Variants in ZFAND3 observed in about 807,000 individuals in gnomAD.
The protein encoded by ZFAND3 is AN1-type zinc finger protein 3.
Under a neutral mutation model 29.6 loss-of-function variants are expected in ZFAND3, and 10 were observed. The observed-to-expected ratio is 0.34, with a 90% CI of 0.21 to 0.57. ZFAND3 has a LOEUF of 0.57. Ranked by LOEUF, ZFAND3 falls within the 20% of genes least tolerant of loss-of-function variation. The pLI is 0.86. For missense variants in ZFAND3, 230 were observed against 304.5 expected, an observed-to-expected ratio of 0.76 and a Z score of 1.82; for synonymous variants, 128 against 112.6, an observed-to-expected ratio of 1.14 and a Z score of -0.87.
intron 2 of ZFAND3, among the ~76,000 whole-genome samples, chr6:38,021,635 G>A (rs1159785179): frequency 6.6e-6 from 1 of 152,176 alleles, no homozygotes; most frequent in Non-Finnish European, 1.5e-5. Flanking sequence ...GTCTTCTTGT[G>A]GTAAATGTCT....
intron 2 of ZFAND3, among the ~76,000 whole-genome samples, chr6:38,027,322 C>T (rs970123340): frequency 1.3e-5 from 2 of 152,202 alleles, no homozygotes; most frequent in Non-Finnish European, 2.9e-5. Flanking sequence ...AGTACATGTT[C>T]AGAAACCGCA....
At chr6:38,113,407 A>T (rs984596095) in intron 4 of ZFAND3, among the ~76,000 whole-genome samples, 2 of 152,226 alleles carry the variant, frequency 1.3e-5, no homozygotes, top group African/African-American at 4.8e-5. Flanking sequence ...AGAATATTCC[A>T]TGCCTACTGC....
intron 4 of ZFAND3, among the ~76,000 whole-genome samples, chr6:38,097,255 T>C (rs902779244): frequency 4.0e-5 from 6 of 149,594 alleles, no homozygotes; most frequent in Non-Finnish European, 7.4e-5. Flanking sequence ...TTTCATTTTT[T>C]TTTTTTTTTT....
At chr6:37,836,306 T>TG (rs1164859194) in intron 1 of ZFAND3, among the ~76,000 whole-genome samples, 3 of 75,710 alleles carry the variant, frequency 4.0e-5, no homozygotes, top group Non-Finnish European at 9.3e-5. Context: ...AAGTGTCACT[T>TG]TCTTTTGAGA....
At chr6:38,143,291 A>G (rs559669636) in intron 5 of ZFAND3, 2 of 152,366 alleles carry the variant, frequency 1.3e-5, no homozygotes, top group East Asian at 3.9e-4. Context: ...ATACTTTTAA[A>G]ATGGCATGTG....
intron 2 of ZFAND3, among the ~76,000 whole-genome samples, chr6:38,026,165 T>C (rs1468643943): frequency 6.6e-6 from 1 of 152,204 alleles, no homozygotes; most frequent in Non-Finnish European, 1.5e-5. Context: ...TCTTAATGTC[T>C]CTGTCCCCTA....
intron 1 of ZFAND3, among the ~76,000 whole-genome samples, chr6:37,910,455 A>G (rs763665544): frequency 1.3e-5 from 2 of 152,218 alleles, no homozygotes; most frequent in Non-Finnish European, 2.9e-5. Context: ...GATTTAAAAA[A>G]AATATTTTAA....
At chr6:37,994,875 G>T (rs1762824282) in intron 2 of ZFAND3, among the ~76,000 whole-genome samples, 1 of 152,144 alleles carries the variant, frequency 6.6e-6, no homozygotes, top group African/African-American at 2.4e-5. Context: ...CAAATTTCTG[G>T]TGTACACTAG....
At chr6:38,127,621 A>C (rs1765659266) in intron 5 of ZFAND3, among the ~76,000 whole-genome samples, 1 of 152,060 alleles carries the variant, frequency 6.6e-6, no homozygotes, top group Admixed American at 6.5e-5. Flanking sequence ...AAGGCATGAA[A>C]ATTTGTGTGT....
At chr6:38,149,367 G>T (rs565593885) in intron 5 of ZFAND3, among the ~76,000 whole-genome samples, 15 of 145,578 alleles carry the variant, frequency 1.0e-4, no homozygotes, top group Non-Finnish European at 1.9e-4. Flanking sequence ...AGCTAGGATC[G>T]CACCACAGCG....
Position 38,132,213 on chromosome 6 carries a change from A to ACT in ZFAND3, c.529+15474_529+15475insCT, listed in dbSNP as rs1765755730. On this transcript the variant is annotated intron_variant, in intron 5 of 5. Transcript: ENST00000287218. Reference sequence around the variant, plus strand: ...TGTTTGTATTAGTACTTGGACATGAATAAGATGGGTTCTGTGGGCTGGGTG... The same window carrying ACT: ...TGTTTGTATTAGTACTTGGACATGAACTTAAGATGGGTTCTGTGGGCTGGGTG... 2.0e-5 allele frequency among the ~76,000 whole-genome samples: 3 copies of ACT among 152,300 alleles called. No individual in the cohort carries two copies. In the South Asian group the frequency reaches 6.2e-4, roughly 32 times the overall value.
At chr6:37,823,143 T>G (rs1407041867) in intron 1 of ZFAND3, among the ~76,000 whole-genome samples, 2 of 152,208 alleles carry the variant, frequency 1.3e-5, no homozygotes, top group Non-Finnish European at 2.9e-5. Flanking sequence ...GAATGTGATA[T>G]ACGTGTTTCC....
At chr6:38,130,954 A>T (rs999916364) in intron 5 of ZFAND3, among the ~76,000 whole-genome samples, 2 of 151,806 alleles carry the variant, frequency 1.3e-5, no homozygotes, top group Admixed American at 1.3e-4. Context: ...TTTTTTGTTG[A>T]TATATTTTTA....
chr6:38,143,622 G>A (rs1472066817), intron 5 of ZFAND3, among the ~76,000 whole-genome samples: 1 of 152,218 alleles, frequency 6.6e-6, no homozygotes. Flanking sequence ...GGAGGAGTGT[G>A]GGCTTTTCTA....
chr6:38,011,400 G>A (rs534582704), intron 2 of ZFAND3, among the ~76,000 whole-genome samples: 6 of 152,260 alleles, frequency 3.9e-5, no homozygotes, highest in African/African-American at 7.2e-5. Context: ...CAGAGTGGCC[G>A]TACTGTTTTA....
At chr6:38,009,021 A>G (rs1763100084) in intron 2 of ZFAND3, among the ~76,000 whole-genome samples, 1 of 152,174 alleles carries the variant, frequency 6.6e-6, no homozygotes, top group Admixed American at 6.5e-5. Flanking sequence ...TAGCTCCTAT[A>G]CTAAAATTGG....
At chr6:37,888,215 T>A (rs780899578) in intron 1 of ZFAND3, among the ~76,000 whole-genome samples, 1 of 152,142 alleles carries the variant, frequency 6.6e-6, no homozygotes, top group Non-Finnish European at 1.5e-5. Flanking sequence ...ATTAGAAAAA[T>A]AAATTTTAAT....
chr6:37,857,511 G>A (rs1336759530), intron 1 of ZFAND3, among the ~76,000 whole-genome samples: 1 of 152,156 alleles, frequency 6.6e-6, no homozygotes, highest in African/African-American at 2.4e-5. Context: ...TTAGCATGGG[G>A]CAGTTTTTTT....
chr6:38,042,506 G>T (rs1457886869), intron 2 of ZFAND3, among the ~76,000 whole-genome samples: 1 of 151,884 alleles, frequency 6.6e-6, no homozygotes, highest in East Asian at 2.0e-4. Context: ...TAGAGATGGG[G>T]TTTTGCCATG....
Sources: allele counts gnomAD v4.1 joint callset (sites outside exome capture counted in the v4.1 genomes callset), GRCh38; gene constraint gnomAD v4.1.1; transcripts MANE v1.5; gene names NCBI Gene and HGNC (gene_info 2026-07-23, HGNC 2026-07-21).